ODAD2: variants seen among roughly 807,000 people sequenced by gnomAD.
The protein encoded by ODAD2 is outer dynein arm-docking complex subunit 2.
A neutral mutation model predicts 106.8 loss-of-function variants in ODAD2; 89 were observed. That is an observed-to-expected ratio of 0.83 (90% confidence interval 0.70 to 0.99). ODAD2 has a LOEUF of 0.99. Among genes scored for constraint, ODAD2 ranks in the 50% least tolerant of loss-of-function variants. ODAD2 has a pLI of 0.00. For missense variants in ODAD2, 1,168 were observed against 1,238.5 expected, an observed-to-expected ratio of 0.94 and a Z score of 0.85; for synonymous variants, 404 against 436.2, an observed-to-expected ratio of 0.93 and a Z score of 0.92.
intron 16 of ODAD2, among the ~76,000 whole-genome samples, chr10:27,925,482 T>C (rs1845190786): frequency 6.6e-6 from 1 of 152,146 alleles, no homozygotes; most frequent in African/African-American, 2.4e-5. Context: ...CTCAACCTCC[T>C]GAAAGGCTGG....
At chr10:27,993,552 A>G (rs1850357462) in intron 2 of ODAD2, among the ~76,000 whole-genome samples, 1 of 152,144 alleles carries the variant, frequency 6.6e-6, no homozygotes, top group South Asian at 2.1e-4. Context: ...TAGGAGGCTG[A>G]GGCAGGAGAA....
chr10:27,864,844 C>T (rs1016512153), intron 17 of ODAD2, among the ~76,000 whole-genome samples: 15 of 151,582 alleles, frequency 9.9e-5, no homozygotes, highest in African/African-American at 3.4e-4. Context: ...CATGGTACTA[C>T]GCACTTCACA....
chr10:27,984,063 G>A, intron 5 of ODAD2, 84 bp from the exon 6 acceptor site: 1 of 1,540,674 alleles, frequency 6.5e-7, no homozygotes, highest in Non-Finnish European at 8.8e-7. Context: ...AATAAATATT[G>A]TGGAAATTTT....
At chr10:27,918,718 CA>C (rs1230069280) in intron 16 of ODAD2, among the ~76,000 whole-genome samples, 1 of 151,548 alleles carries the variant, frequency 6.6e-6, no homozygotes, top group Non-Finnish European at 1.5e-5. Flanking sequence ...AAAGAAATAA[CA>C]GACATAAGGA....
intron 12 of ODAD2, among the ~76,000 whole-genome samples, chr10:27,942,001 C>T (rs772542366): frequency 3.0e-4 from 46 of 152,154 alleles, no homozygotes; most frequent in Admixed American, 1.7e-3. Context: ...CCAGGAAAGA[C>T]GGGGATGGGG....
chr10:27,993,510 C>T (rs1458042944), intron 2 of ODAD2, among the ~76,000 whole-genome samples: 1 of 151,896 alleles, frequency 6.6e-6, no homozygotes, highest in Non-Finnish European at 1.5e-5. Flanking sequence ...ATTAGCCAGG[C>T]GTGGTGGCGG....
chr10:27,831,447 G>A (rs886754018), intron 19 of ODAD2, among the ~76,000 whole-genome samples: 13 of 152,136 alleles, frequency 8.5e-5, no homozygotes, highest in African/African-American at 2.9e-4. Flanking sequence ...CATGTATCAG[G>A]CACTACTCAA....
chr10:27,887,680 G>T (rs1842315312), intron 17 of ODAD2, among the ~76,000 whole-genome samples: 2 of 151,870 alleles, frequency 1.3e-5, no homozygotes, highest in Non-Finnish European at 2.9e-5. Flanking sequence ...AAGGAAAAGT[G>T]GAAAATTCAC....
intron 19 of ODAD2, among the ~76,000 whole-genome samples, chr10:27,812,868 A>G (rs998695382): frequency 2.6e-5 from 4 of 152,138 alleles, no homozygotes; most frequent in Non-Finnish European, 5.9e-5. Flanking sequence ...TTCTCTGGGT[A>G]TCTAACTGCT....
intron 17 of ODAD2, among the ~76,000 whole-genome samples, chr10:27,877,448 G>T (rs1485756696): frequency 6.6e-6 from 1 of 152,134 alleles, no homozygotes; most frequent in South Asian, 2.1e-4. Context: ...CCTAATCTGT[G>T]GGACAGGGAA....
chr10:27,911,920 G>A (rs1282086830), intron 16 of ODAD2, among the ~76,000 whole-genome samples: 1 of 152,170 alleles, frequency 6.6e-6, no homozygotes, highest in East Asian at 1.9e-4. Context: ...AAACAAGACA[G>A]CCTTTGCTTA....
rs1193014714 is a variant in ODAD2 at position 27,912,775 on chromosome 10, T to C, written c.2496-4998A>G. Among the ~76,000 whole-genome samples, 13 of 152,282 alleles carry C rather than the reference T, an allele frequency of 8.5e-5. No homozygotes were observed. The South Asian group carries it at 2.5e-3, about 29-fold the overall frequency. On this transcript the variant is annotated intron_variant, in intron 16 of 19. Transcript: ENST00000305242. ...ACAACATTAAAGGATGCGACTGTCA[T>C]CTACAAGTTTTGAAACCAAGTTGGC...
chr10:27,987,462 C>A lies in ODAD2; in HGVS notation c.306G>T (p.Arg102Ser). The change falls in exon 3 of 20, where the codon AGG (arginine) becomes AGT (serine). Residue 102 changes from arginine (R) to serine (S), a missense_variant. By Grantham distance (110) the Arg-to-Ser change is moderately radical. This residue lies in a region of ODAD2 where 430 missense variants were observed against 452.2 expected (regional missense o/e 0.95). Coordinates refer to ENST00000305242, the MANE Select transcript of ODAD2 (RefSeq NM_018076.5). ...ACAAGCGTGACAGCTGCCCAAAGCTCCTAATTTTAATTTGTGGTACAGAGA... is the reference window on the plus strand; with the variant it reads ...ACAAGCGTGACAGCTGCCCAAAGCTACTAATTTTAATTTGTGGTACAGAGA... ...LFLSVPQIKI[R>S]SFGQLSRLLL... 6.2e-7 allele frequency: 1 copy of A among 1,613,786 alleles called. No homozygotes were observed. The highest frequency in any genetic ancestry group is 2.2e-5 in the East Asian group (1 of 44,862).
At chr10:27,924,048 GAGAAAGAA>G (rs373693559) in intron 16 of ODAD2, among the ~76,000 whole-genome samples, 2,905 of 126,866 alleles carry the variant, frequency 0.023, 169 homozygotes, top group African/African-American at 0.079. Context: ...AAGAAGGAAA[GAGAAAGAA>G]AGAAAGAAAG....
chr10:27,849,103 G>A (rs952170132), intron 19 of ODAD2, among the ~76,000 whole-genome samples: 6 of 152,164 alleles, frequency 3.9e-5, no homozygotes, highest in East Asian at 1.9e-4. Flanking sequence ...ACATGCACAC[G>A]TATGTTTACT....
In ODAD2 at chr10:27,922,038, G is replaced by A. The variant is rs187020983; in HGVS notation, c.2495+12972C>T. On this transcript the variant is annotated intron_variant, in intron 16 of 19. Coordinates refer to ENST00000305242, the MANE Select transcript of ODAD2 (RefSeq NM_018076.5). ...AAAAATTAGCCGGGCATGGTGGGAT[G>A]TGCCTGTAGTCCCAGGCACTTGGTA... Among the ~76,000 whole-genome samples the A allele has an allele frequency of 2.6e-5, 4 of 151,122 alleles. No individual in the cohort carries two copies. In the East Asian group the frequency reaches 7.8e-4, roughly 30 times the overall value.
intron 19 of ODAD2, among the ~76,000 whole-genome samples, chr10:27,831,353 A>T (rs545337198): frequency 6.6e-6 from 1 of 152,302 alleles, no homozygotes; most frequent in African/African-American, 2.4e-5. Context: ...TTATAGACCC[A>T]GGAAAGGCAG....
At chr10:27,970,969 CTTAAATAA>C (rs1345465156) in intron 8 of ODAD2, 131 bp downstream of exon 8, 1 of 324,208 alleles carries the variant, frequency 3.1e-6, no homozygotes, top group Non-Finnish European at 4.7e-6. Flanking sequence ...AAGACTCCAT[CTTAAATAA>C]ATAAATAAAT....
At chr10:27,860,489 A>G in intron 19 of ODAD2, 136 bp downstream of exon 19, 1 of 738,884 alleles carries the variant, frequency 1.4e-6, no homozygotes. Flanking sequence ...CATGGCTTGA[A>G]TGCAGCCATG....
Sources: gnomAD v4.1 joint callset for allele counts (sites outside exome capture counted in the v4.1 genomes callset) on GRCh38, gnomAD v4.1.1 for gene constraint, gnomAD v4.1.1 regional missense constraint, MANE v1.5 for transcripts, NCBI Gene and HGNC (gene_info 2026-07-23, HGNC 2026-07-21) for gene names.